Variants in COL25A1 observed in about 807,000 individuals in gnomAD.
The protein encoded by COL25A1 is collagen alpha-1(XXV) chain.
COL25A1 carries 103 observed loss-of-function variants against 128.4 expected under a neutral mutation model. The observed-to-expected ratio is 0.80, with a 90% CI of 0.68 to 0.94. The LOEUF (loss-of-function observed/expected upper bound fraction) is 0.94. Ranked by LOEUF, COL25A1 falls within the 40% of genes least tolerant of loss-of-function variation. COL25A1 has a pLI of 0.00. For missense variants in COL25A1, 745 were observed against 840.0 expected, an observed-to-expected ratio of 0.89 and a Z score of 1.40; for synonymous variants, 279 against 277.2, an observed-to-expected ratio of 1.01 and a Z score of -0.06.
At chr4:108,863,513 G>A (rs754382540) in intron 20 of COL25A1, 126 bp from the exon 21 acceptor site, 33 of 663,120 alleles carry the variant, frequency 5.0e-5, no homozygotes, top group Admixed American at 1.1e-4. Flanking sequence ...CCTGTACCCA[G>A]CACTTTATTA....
chr4:109,063,498 A>G (rs1762157988), intron 3 of COL25A1, among the ~76,000 whole-genome samples: 1 of 142,718 alleles, frequency 7.0e-6, no homozygotes, highest in Non-Finnish European at 1.5e-5. Flanking sequence ...GCAAGACTCC[A>G]ACTCAAAAAA....
intron 3 of COL25A1, among the ~76,000 whole-genome samples, chr4:109,213,364 C>T (rs1560878209): frequency 1.3e-5 from 2 of 152,286 alleles, no homozygotes; most frequent in East Asian, 3.9e-4. Context: ...TCTTAGTGGG[C>T]TCTGCGACTA....
At chr4:108,834,451 T>C in intron 31 of COL25A1, 1 of 1,414,370 alleles carries the variant, frequency 7.1e-7, no homozygotes, top group Non-Finnish European at 9.8e-7. Flanking sequence ...GAACAGAGAT[T>C]AGTATGAGGT....
At chr4:109,244,906 CTTTATA>C (rs1265663519) in intron 3 of COL25A1, among the ~76,000 whole-genome samples, 1 of 151,954 alleles carries the variant, frequency 6.6e-6, no homozygotes, top group African/African-American at 2.4e-5. Context: ...GTCTTGATAC[CTTTATA>C]TTTATATTTT....
chr4:109,212,236 A>T (rs911516438), intron 3 of COL25A1, among the ~76,000 whole-genome samples: 1 of 152,118 alleles, frequency 6.6e-6, no homozygotes, highest in Non-Finnish European at 1.5e-5. Context: ...TGATATGGTT[A>T]CAGATGATGG....
chr4:109,097,922 A>G (rs917918033), intron 3 of COL25A1, among the ~76,000 whole-genome samples: 7 of 152,020 alleles, frequency 4.6e-5, no homozygotes, highest in African/African-American at 1.7e-4. Flanking sequence ...TCGGCCTCCC[A>G]AAGTGCTGGG....
At chr4:108,898,465 G>C (rs965024409) in intron 15 of COL25A1, among the ~76,000 whole-genome samples, 2 of 152,120 alleles carry the variant, frequency 1.3e-5, no homozygotes, top group Admixed American at 1.3e-4. Context: ...ATTAAAATAA[G>C]TAGCATGAGA....
Position 108,852,288 on chromosome 4 carries a change from A to G in COL25A1, c.1345-8T>C. 1 of 1,591,038 alleles carries G rather than the reference A, an allele frequency of 6.3e-7. No individual in the cohort carries two copies. The highest frequency in any genetic ancestry group is 1.1e-5 in the South Asian group (1 of 87,082). On this transcript the variant is annotated splice_region_variant and splice_polypyrimidine_tract_variant and intron_variant, in intron 25 of 37. Coordinates refer to ENST00000399132, the MANE Select transcript of COL25A1 (RefSeq NM_198721.4). ...AGGAGGTCCAGGGGGACCCTAAATC[A>G]AGAAAAAGCACAGTTTTTAAAAGTA...
At chr4:108,956,688 G>A (rs1358126355) in intron 8 of COL25A1, among the ~76,000 whole-genome samples, 1 of 152,224 alleles carries the variant, frequency 6.6e-6, no homozygotes, top group Non-Finnish European at 1.5e-5. Context: ...TTACAGGCAT[G>A]AGCCACCACA....
chr4:108,856,212 G>A (rs551864307), intron 24 of COL25A1, among the ~76,000 whole-genome samples: 3 of 152,118 alleles, frequency 2.0e-5, no homozygotes, highest in Admixed American at 1.3e-4. Flanking sequence ...TTTAGATGGC[G>A]ATGAGAATTT....
intron 3 of COL25A1, among the ~76,000 whole-genome samples, chr4:109,081,720 T>C (rs1763850121): frequency 6.6e-6 from 1 of 152,144 alleles, no homozygotes; most frequent in African/African-American, 2.4e-5. Flanking sequence ...ATTTTTTTTT[T>C]TGAGACAGAG....
chr4:108,889,202 C>T lies in COL25A1; in HGVS notation c.975+19G>A, dbSNP rs1453310738. 6.2e-7 allele frequency: 1 copy of T among 1,609,084 alleles called. No individual in the cohort carries two copies. On this transcript the variant is annotated intron_variant, in intron 18 of 37. Transcript: ENST00000399132. Reference sequence around the variant, plus strand: ...GTGAATATGAGACAGTAGGAACACACTAGAGATAGAGATATTACCTTTTGC... The same window carrying T: ...GTGAATATGAGACAGTAGGAACACATTAGAGATAGAGATATTACCTTTTGC...
At chr4:108,898,227 A>G (rs750811735) in intron 15 of COL25A1, among the ~76,000 whole-genome samples, 4 of 152,146 alleles carry the variant, frequency 2.6e-5, no homozygotes, top group Non-Finnish European at 5.9e-5. Context: ...CCCTCAGGAA[A>G]CTGCCCTTTC....
In COL25A1 at chr4:108,812,608, A is replaced by G. The variant is rs568724156; in HGVS notation, c.*1319T>C. On this transcript the variant is annotated 3_prime_UTR_variant, in exon 38 of 38. Coordinates refer to ENST00000399132, the MANE Select transcript of COL25A1 (RefSeq NM_198721.4). ...TGAAGACTTCTTAAAAAAATTGTTC[A>G]AAACATATGTGACAAAAACTGAAAC... 4.0e-4 allele frequency: 61 copies of G among 151,922 alleles called. No individual in the cohort carries two copies. Among genetic ancestry groups the G allele is most frequent in the Non-Finnish European group, 8.5e-4 (58 of 67,858 alleles). The allele number at this position is 151,922 out of a possible 1,614,324, so 9.4% of individuals were successfully genotyped here.
chr4:109,100,205 C>T (rs145273958), intron 3 of COL25A1, among the ~76,000 whole-genome samples: 125 of 152,142 alleles, frequency 8.2e-4, no homozygotes, highest in African/African-American at 2.9e-3. Context: ...ATCATGGAGG[C>T]ACTCAAGGGT....
At chr4:109,001,627 T>C (rs1443849205) in intron 6 of COL25A1, among the ~76,000 whole-genome samples, 3 of 152,192 alleles carry the variant, frequency 2.0e-5, no homozygotes, top group African/African-American at 7.2e-5. Context: ...GAGCAGAAAC[T>C]CAATTATCAG....
chr4:108,969,042 C>G (rs1439076211), intron 8 of COL25A1, among the ~76,000 whole-genome samples: 1 of 152,124 alleles, frequency 6.6e-6, no homozygotes, highest in African/African-American at 2.4e-5. Context: ...GTCACAGGTC[C>G]TCAGTGTCAG....
At chr4:109,198,095 T>C (rs1776267265) in intron 3 of COL25A1, among the ~76,000 whole-genome samples, 1 of 152,146 alleles carries the variant, frequency 6.6e-6, no homozygotes. Flanking sequence ...TGCTTTTACT[T>C]TGAACTTTTT....
chr4:108,945,921 T>A (rs1380305008), intron 8 of COL25A1, among the ~76,000 whole-genome samples: 1 of 152,144 alleles, frequency 6.6e-6, no homozygotes, highest in Non-Finnish European at 1.5e-5. Context: ...CACCTCAGCC[T>A]CCCAAAGTGC....
Sources: gnomAD v4.1 joint callset for allele counts (sites outside exome capture counted in the v4.1 genomes callset) on GRCh38, gnomAD v4.1.1 for gene constraint, MANE v1.5 for transcripts, NCBI Gene and HGNC (gene_info 2026-07-23, HGNC 2026-07-21) for gene names.